The following ST3GAL4 variants were observed in gnomAD, a reference collection of about 807,000 sequenced individuals.
The protein encoded by ST3GAL4 is CMP-N-acetylneuraminate-beta-galactosamide-alpha-2,3-sialyltransferase 4.
Under a neutral mutation model 42.6 loss-of-function variants are expected in ST3GAL4, and 24 were observed. The observed-to-expected ratio is 0.56, with a 90% CI of 0.41 to 0.79. The LOEUF is 0.79. Among genes scored for constraint, ST3GAL4 ranks in the 30% least tolerant of loss-of-function variants. ST3GAL4 has a pLI of 0.00. For missense variants in ST3GAL4, 311 were observed against 430.8 expected (o/e 0.72, Z 2.46); for synonymous variants, 135 against 163.2 (o/e 0.83, Z 1.32).
chr11:126,364,497 C>T (rs1952359749), intron 1 of ST3GAL4, among the ~76,000 whole-genome samples: 2 of 142,918 alleles, frequency 1.4e-5, no homozygotes. Flanking sequence ...CCTTTCCCAC[C>T]AGTCCTGGAT....
At position 126,400,284 on chromosome 11, in the gene ST3GAL4, G is replaced by A. The variant is rs1235752148; in HGVS notation, c.-60-5812G>A. Among the ~76,000 whole-genome samples the A allele has an allele frequency of 6.6e-6, 1 of 152,206 alleles. No homozygotes were observed. Among genetic ancestry groups the A allele is most frequent in the East Asian group, 1.9e-4 (1 of 5,198 alleles). On this transcript the variant is annotated intron_variant, in intron 1 of 10. Coordinates refer to ENST00000444328, the MANE Select transcript of ST3GAL4 (RefSeq NM_001254757.2). This position sits in a 1 kb window ranked among gnomAD's most constrained non-coding sequence, Gnocchi z 4.6. ...GTGGAATGGCAAGACAGATCAAGAG[G>A]GGACCTAACTGGCCTTTTATAAGGA...
chr11:126,388,600 G>C (rs944062635), intron 1 of ST3GAL4, among the ~76,000 whole-genome samples: 15 of 150,848 alleles, frequency 9.9e-5, no homozygotes, highest in African/African-American at 3.4e-4. Flanking sequence ...CCAGAATGCT[G>C]GGATAATAGG....
rs1953095093 is a variant in ST3GAL4 at position 126,383,561 on chromosome 11, G to C, written c.-60-22535G>C. 6.6e-6 allele frequency among the ~76,000 whole-genome samples: 1 copy of C among 152,204 alleles called. No individual in the cohort carries two copies. The highest frequency in any genetic ancestry group is 2.4e-5 in the African/African-American group (1 of 41,458). ...TGGGGGGCGGGGGCAGAGAGGAGGA[G>C]GACTGAGAAGTGGGTGTATTTGGGC... On this transcript the variant is annotated intron_variant, in intron 1 of 10. Coordinates refer to ENST00000444328, the MANE Select transcript of ST3GAL4 (RefSeq NM_001254757.2). This position sits in a 1 kb window ranked among gnomAD's most constrained non-coding sequence, Gnocchi z 4.5.
rs1210903574 is a variant in ST3GAL4, at chr11:126,400,285, G to A, written c.-60-5811G>A. ...TGGAATGGCAAGACAGATCAAGAGG[G>A]GACCTAACTGGCCTTTTATAAGGAA... On this transcript the variant is annotated intron_variant, in intron 1 of 10. Transcript: ENST00000444328. This position sits in a 1 kb window ranked among gnomAD's most constrained non-coding sequence, Gnocchi z 4.6. Among the ~76,000 whole-genome samples the A allele has an allele frequency of 1.3e-5, 2 of 152,198 alleles. No homozygotes were observed. The highest frequency in any genetic ancestry group is 2.9e-5 in the Non-Finnish European group (2 of 68,046).
At chr11:126,407,497 G>A (rs1353338223) in intron 5 of ST3GAL4, 77 bp from the exon 6 acceptor site, 1 of 1,578,874 alleles carries the variant, frequency 6.3e-7, no homozygotes, top group Non-Finnish European at 8.7e-7. Context: ...AGCGCTCTGA[G>A]GAGCAGTGGA....
At chr11:126,388,358 T>C (rs1477944900) in intron 1 of ST3GAL4, among the ~76,000 whole-genome samples, 2 of 152,154 alleles carry the variant, frequency 1.3e-5, no homozygotes, top group African/African-American at 4.8e-5. Flanking sequence ...TAAGACAGAG[T>C]CTCGCTCTCT....
rs1234345051 is a variant in ST3GAL4, at chr11:126,409,883, A to G, written c.771+472A>G. On this transcript the variant is annotated intron_variant, in intron 9 of 10. Coordinates refer to ENST00000444328, the MANE Select transcript of ST3GAL4 (RefSeq NM_001254757.2). This position sits in a 1 kb window ranked among gnomAD's most constrained non-coding sequence, Gnocchi z 4.9. Reference sequence around the variant, plus strand: ...TATGGTGTGTCAATTCAGGGAGTCAATGTAGTTTTGCAAGTTATGGGTTTT... The same window carrying G: ...TATGGTGTGTCAATTCAGGGAGTCAGTGTAGTTTTGCAAGTTATGGGTTTT... 6.6e-6 allele frequency among the ~76,000 whole-genome samples: 1 copy of G among 152,122 alleles called. No individual in the cohort carries two copies. The highest frequency in any genetic ancestry group is 1.5e-5 in the Non-Finnish European group (1 of 68,032).
rs1319175748 is a variant in ST3GAL4 at position 126,397,790 on chromosome 11, G to A, written c.-60-8306G>A. ...AAGAAGGGCAAGGTGGAGAGAGAGA[G>A]CAGGAAGGGGCCTAATTGTCCTTTT... On this transcript the variant is annotated intron_variant, in intron 1 of 10. Transcript: ENST00000444328. This position sits in a 1 kb window ranked among gnomAD's most constrained non-coding sequence, Gnocchi z 5.0. Among the ~76,000 whole-genome samples, 1 of 152,168 alleles carries A rather than the reference G, an allele frequency of 6.6e-6. No homozygotes were observed. Among genetic ancestry groups the A allele is most frequent in the East Asian group, 1.9e-4 (1 of 5,188 alleles).
At position 126,406,562 on chromosome 11, in the gene ST3GAL4, G is replaced by A. The variant is rs752594136; in HGVS notation, c.101+5G>A. ...GGAAGACAGGTACATCGAGCTGTGAGTTCACCTTCCATGTCCTTCCAGTGG... is the reference window on the plus strand; with the variant it reads ...GGAAGACAGGTACATCGAGCTGTGAATTCACCTTCCATGTCCTTCCAGTGG... On this transcript the variant is annotated splice_donor_5th_base_variant and intron_variant, in intron 3 of 10. Transcript: ENST00000444328. This position sits in a 1 kb window ranked among gnomAD's most constrained non-coding sequence, Gnocchi z 5.4. The A allele has an allele frequency of 1.2e-6, 2 of 1,614,186 alleles. No homozygotes were observed. Among genetic ancestry groups the A allele is most frequent in the Non-Finnish European group, 1.7e-6 (2 of 1,180,026 alleles).
At position 126,407,355 on chromosome 11, in the gene ST3GAL4, T is replaced by A. The variant is rs1954286277; in HGVS notation, c.280+6T>A. ...CTATGGGACCAAGGGGAGTGGTAAGTTCCTACCCGGCTCGTGGGAACCATG... is the reference window on the plus strand; with the variant it reads ...CTATGGGACCAAGGGGAGTGGTAAGATCCTACCCGGCTCGTGGGAACCATG... On this transcript the variant is annotated splice_donor_region_variant and intron_variant, in intron 5 of 10. Transcript: ENST00000444328. 6.2e-7 allele frequency: 1 copy of A among 1,613,740 alleles called. No individual in the cohort carries two copies. The highest frequency in any genetic ancestry group is 1.3e-5 in the African/African-American group (1 of 75,004).
At position 126,378,250 on chromosome 11, in the gene ST3GAL4, C is replaced by T. The variant is rs1285496942; in HGVS notation, c.-61+22408C>T. ...GAAAGGGTCAAAGTGCATCCTATTA[C>T]CCACGAGTTGGGGGTGATACGAATG... is the stretch of plus-strand genomic sequence containing the variant. On this transcript the variant is annotated intron_variant, in intron 1 of 10. Coordinates refer to ENST00000444328, the MANE Select transcript of ST3GAL4 (RefSeq NM_001254757.2). This position sits in a 1 kb window ranked among gnomAD's most constrained non-coding sequence, Gnocchi z 5.3. Among the ~76,000 whole-genome samples the T allele has an allele frequency of 1.3e-5, 2 of 152,182 alleles. No individual in the cohort carries two copies. Among genetic ancestry groups the T allele is most frequent in the Admixed American group, 6.6e-5 (1 of 15,266 alleles).
chr11:126,407,454 G>C, intron 5 of ST3GAL4, 105 bp downstream of exon 5: 1 of 1,547,592 alleles, frequency 6.5e-7, no homozygotes, highest in East Asian at 2.3e-5. Flanking sequence ...AGCCTGACTC[G>C]GGTACCAGGG....
At chr11:126,407,949 T>TA (rs1367175693) in intron 6 of ST3GAL4, 150 bp from the exon 7 acceptor site, 47 of 894,274 alleles carry the variant, frequency 5.3e-5, no homozygotes, top group Non-Finnish European at 7.1e-5. Context: ...AGCATGACCC[T>TA]AAGCAGGACC....
At chr11:126,388,094 T>A (rs571328635) in intron 1 of ST3GAL4, among the ~76,000 whole-genome samples, 1 of 152,354 alleles carries the variant, frequency 6.6e-6, no homozygotes, top group Non-Finnish European at 1.5e-5. Flanking sequence ...TAGGAAACTT[T>A]GTAGAATAAA....
intron 1 of ST3GAL4, among the ~76,000 whole-genome samples, chr11:126,372,673 C>T (rs1406003815): frequency 6.6e-6 from 1 of 152,170 alleles, no homozygotes; most frequent in Non-Finnish European, 1.5e-5. Context: ...GCCTCGACCT[C>T]CCAATGTGCT....
rs1464985864 is a variant in ST3GAL4, at chr11:126,392,720, G to A, written c.-60-13376G>A. On this transcript the variant is annotated intron_variant, in intron 1 of 10. Transcript: ENST00000444328. The surrounding 1 kb of genome is among the most constrained non-coding windows in gnomAD (Gnocchi z 5.8). ...TAAGAAGTCCCTGCTTGCTGGGAGTGCGTGGTCTAATTGGTACTTGGGACA... is the reference window on the plus strand; with the variant it reads ...TAAGAAGTCCCTGCTTGCTGGGAGTACGTGGTCTAATTGGTACTTGGGACA... 6.6e-6 allele frequency among the ~76,000 whole-genome samples: 1 copy of A among 152,188 alleles called. No individual in the cohort carries two copies. Among genetic ancestry groups the A allele is most frequent in the Admixed American group, 6.5e-5 (1 of 15,282 alleles).
intron 1 of ST3GAL4, among the ~76,000 whole-genome samples, chr11:126,382,872 A>G (rs1953062348): frequency 6.6e-6 from 1 of 152,208 alleles, no homozygotes; most frequent in African/African-American, 2.4e-5. Flanking sequence ...TGAAATTGCT[A>G]AAGCCTCAGG....
intron 1 of ST3GAL4, among the ~76,000 whole-genome samples, chr11:126,389,701 T>C (rs1953397453): frequency 1.3e-5 from 2 of 152,168 alleles, no homozygotes; most frequent in African/African-American, 4.8e-5. Context: ...CCTGAGGAAC[T>C]GGGATAATCA....
chr11:126,371,163 CTTTTTTT>C (rs551443393), intron 1 of ST3GAL4, among the ~76,000 whole-genome samples: 738 of 59,996 alleles, frequency 0.012, 56 homozygotes, highest in African/African-American at 0.048. Flanking sequence ...CCCCACATTC[CTTTTTTT>C]TTTTTTTTTT....
Sources: allele counts gnomAD v4.1 joint callset (sites outside exome capture counted in the v4.1 genomes callset), GRCh38; gene constraint gnomAD v4.1.1; non-coding constraint Gnocchi (gnomAD v3.1); transcripts MANE v1.5; gene names NCBI Gene and HGNC (gene_info 2026-07-23, HGNC 2026-07-21).